The following COL6A3 variants were observed in gnomAD, a reference collection of about 807,000 sequenced individuals.
The protein encoded by COL6A3 is collagen type VI alpha 3 chain.
In COL6A3, 137 loss-of-function variants were observed where a neutral mutation model predicts 274.1. The observed-to-expected ratio is 0.50, with a 90% CI of 0.44 to 0.58. The LOEUF (loss-of-function observed/expected upper bound fraction) is 0.58. COL6A3 is among the 20% of genes least tolerant of loss of function. COL6A3 has a pLI of 0.00. For synonymous variants in COL6A3, 1,650 were observed against 1,650.6 expected (o/e 1.00, Z 0.01); for missense variants, 3,950 against 4,124.9 (o/e 0.96, Z 1.16).
chr2:237,396,325 T>C (rs978892965), intron 2 of COL6A3, among the ~76,000 whole-genome samples: 7 of 152,232 alleles, frequency 4.6e-5, no homozygotes, highest in Middle Eastern at 3.2e-3. Flanking sequence ...GGGTGATCTT[T>C]GTATTTTTCA....
rs746198326 is a variant in COL6A3 at position 237,387,628 on chromosome 2, C to T, written c.1266G>A (p.Val422=). Reference sequence around the variant, plus strand: ...GTTTCAAGACAATGTGCCTTTGGGCCACGCCAACAATGTACGGCAGTAATT... The same window carrying T: ...GTTTCAAGACAATGTGCCTTTGGGCTACGCCAACAATGTACGGCAGTAATT... ...QEKLLPYIVG[V]AQRHIVLKPP... Residue 422 remains valine, a synonymous_variant, in exon 4 of 44, where the codon GTG becomes GTA. Coordinates refer to ENST00000295550, the MANE Select transcript of COL6A3 (RefSeq NM_004369.4). The T allele has an allele frequency of 6.2e-7, 1 of 1,613,770 alleles. No individual in the cohort carries two copies. Among genetic ancestry groups the T allele is most frequent in the Admixed American group, 1.7e-5 (1 of 59,968 alleles).
At position 237,339,126 on chromosome 2, in the gene COL6A3, A is replaced by G. The variant is rs376762718; in HGVS notation, c.8465-9T>C. The G allele has an allele frequency of 5.0e-6, 8 of 1,600,556 alleles. No homozygotes were observed. The African/African-American group carries it at 6.7e-5, about 13-fold the overall frequency. Reference sequence around the variant, plus strand: ...GTAAAAAGCATTTTCACCTAAAGAAAAAAAACAAAGAAAACAATTGAACCG... The same window carrying G: ...GTAAAAAGCATTTTCACCTAAAGAAGAAAAACAAAGAAAACAATTGAACCG... On this transcript the variant is annotated splice_polypyrimidine_tract_variant and intron_variant, in intron 38 of 43. Coordinates refer to ENST00000295550, the MANE Select transcript of COL6A3 (RefSeq NM_004369.4).
chr2:237,379,162 A>T lies in COL6A3; in HGVS notation c.1971T>A (p.Tyr657Ter). Reference protein sequence around the residue: ...SANVGKTNFPYVRDFVMNLVN... With the variant: ...SANVGKTNFP ...CTAGGTTCATTACAAAGTCGCGCAC[A>T]TAAGGGAAATTGGTTTTTCCAACGT... is the stretch of plus-strand genomic sequence containing the variant. The change falls in exon 6 of 44, where the codon TAT becomes TAA. Residue 657 changes from tyrosine (Y) to a stop codon, truncating the protein, a stop_gained. Coordinates refer to ENST00000295550, the MANE Select transcript of COL6A3 (RefSeq NM_004369.4). LOFTEE classifies it high-confidence loss of function. 8.7e-6 allele frequency: 14 copies of T among 1,614,270 alleles called. No homozygotes were observed. The highest frequency in any genetic ancestry group is 1.2e-5 in the Non-Finnish European group (14 of 1,180,050).
chr2:237,334,291 C>T lies in COL6A3; in HGVS notation c.9229+335G>A, dbSNP rs111902771. Among the ~76,000 whole-genome samples, 540 of 152,296 alleles carry T rather than the reference C, an allele frequency of 3.5e-3. 6 individuals are homozygous for T. The highest frequency in any genetic ancestry group is 0.012 in the African/African-American group (506 of 41,552). ...AAACCTGGACGGGGTGGTGGGCAAC[C>T]AGGAGCCCTCACCGGGAGACGTGGC... On this transcript the variant is annotated intron_variant, in intron 41 of 43. Coordinates refer to ENST00000295550, the MANE Select transcript of COL6A3 (RefSeq NM_004369.4).
intron 11 of COL6A3, 132 bp from the exon 12 acceptor site, chr2:237,366,167 T>C: frequency 2.6e-6 from 2 of 773,442 alleles, no homozygotes; most frequent in Non-Finnish European, 4.5e-6. Context: ...AGATCCTGTG[T>C]GTGTGAGCTT....
rs757490380 is a variant in COL6A3, at chr2:237,376,887, C to G, written c.2955G>C (p.Gln985His). 4 of 1,614,220 alleles carry G rather than the reference C, an allele frequency of 2.5e-6. No individual in the cohort carries two copies. The highest frequency in any genetic ancestry group is 3.3e-5 in the Admixed American group (2 of 60,030). Residue 985 changes from glutamine (Q) to histidine (H), a missense_variant, in exon 7 of 44, where the codon CAG becomes CAC. Gln to His is a conservative substitution (Grantham distance 24). Transcript: ENST00000295550. Reference sequence around the variant, plus strand: ...GGATAAACGCTGGAGACAGCACGATCTGCTCTAACTCAGCAGGGTCTGCGT... The same window carrying G: ...GGATAAACGCTGGAGACAGCACGATGTGCTCTAACTCAGCAGGGTCTGCGT... Reference protein sequence around the residue: ...AKNADPAELEQIVLSPAFILA... With the variant: ...AKNADPAELEHIVLSPAFILA...
In COL6A3 at chr2:237,387,730, C is replaced by G; in HGVS notation, c.1164G>C (p.Glu388Asp). Residue 388 changes from glutamate to aspartate, a missense_variant, in exon 4 of 44, where the codon GAG becomes GAC. Physicochemically the swap from Glu to Asp is conservative, Grantham distance 45. Coordinates refer to ENST00000295550, the MANE Select transcript of COL6A3 (RefSeq NM_004369.4). The stretch of plus-strand genomic sequence containing the variant: ...TGTCATCGGTAGCTATGTGCTGAAG[C>G]TCTGCCCTGGAGGCGGCCTGGGCTC... ...GLGAQAASRA[E>D]LQHIATDDNL... 2 of 1,614,054 alleles carry G rather than the reference C, an allele frequency of 1.2e-6. No homozygotes were observed. Among genetic ancestry groups the G allele is most frequent in the Non-Finnish European group, 1.7e-6 (2 of 1,179,946 alleles).
chr2:237,341,670 C>T (rs530427819), intron 37 of COL6A3, among the ~76,000 whole-genome samples: 3 of 151,630 alleles, frequency 2.0e-5, no homozygotes, highest in Admixed American at 6.6e-5. Flanking sequence ...AAATCACTAA[C>T]CTAAAATCTT....
chr2:237,329,004 A>G (rs1325010217), intron 42 of COL6A3: 1 of 152,198 alleles, frequency 6.6e-6, no homozygotes, highest in Non-Finnish European at 1.5e-5. Context: ...CATTTTGAGC[A>G]TTGGTCAGTT....
Position 237,379,225 on chromosome 2 carries a change from G to C in COL6A3, c.1908C>G (p.Asn636Lys), listed in dbSNP as rs911916902. 2.5e-6 allele frequency: 4 copies of C among 1,614,018 alleles called. No individual in the cohort carries two copies. The highest frequency in any genetic ancestry group is 3.4e-6 in the Non-Finnish European group (4 of 1,180,008). The change falls in exon 6 of 44, where the codon AAC (asparagine) becomes AAG (lysine). Residue 636 changes from asparagine to lysine, a missense_variant. Coordinates refer to ENST00000295550, the MANE Select transcript of COL6A3 (RefSeq NM_004369.4). ...CCAAAAGAAAGATGATATCCCTTTT[G>C]TTTGAGTGAACTGCAGTGAAGCACA... Reference protein sequence around the residue: ...TLSGTPEVHSNKRDIIFLLDG... With the variant: ...TLSGTPEVHSKKRDIIFLLDG...
chr2:237,388,051 C>G lies in COL6A3; in HGVS notation c.843G>C (p.Val281=), dbSNP rs376201065. Residue 281 remains valine, a synonymous_variant, in exon 4 of 44, where the codon GTG becomes GTC. Coordinates refer to ENST00000295550, the MANE Select transcript of COL6A3 (RefSeq NM_004369.4). ...GCTCATCGCTAAACTGGACCACCCC[C>G]ACTCGGATCTGCTGAGTTCCAATTG... is the stretch of plus-strand genomic sequence containing the variant. ...KLPIGTQQIR[V]GVVQFSDEPR... 1 of 1,614,238 alleles carries G rather than the reference C, an allele frequency of 6.2e-7. No homozygotes were observed. The highest frequency in any genetic ancestry group is 8.5e-7 in the Non-Finnish European group (1 of 1,180,052).
At position 237,324,348 on chromosome 2, in the gene COL6A3, C is replaced by T. The variant is rs574954721; in HGVS notation, c.*426G>A. ...CTCTTGTTTCTCCACGATACACAGGCTTCCCATCTAAAGTCATGCTTAACT... is the reference window on the plus strand; with the variant it reads ...CTCTTGTTTCTCCACGATACACAGGTTTCCCATCTAAAGTCATGCTTAACT... On this transcript the variant is annotated 3_prime_UTR_variant, in exon 44 of 44. Transcript: ENST00000295550. The T allele has an allele frequency of 9.7e-5, 16 of 164,168 alleles. No homozygotes were observed. Among genetic ancestry groups the T allele is most frequent in the East Asian group, 3.3e-4 (2 of 5,978 alleles). 10.2% of individuals were successfully genotyped at this position (164,168 alleles called of 1,614,324 possible).
intron 38 of COL6A3, among the ~76,000 whole-genome samples, chr2:237,339,480 T>C (rs1254263551): frequency 6.6e-6 from 1 of 152,234 alleles, no homozygotes; most frequent in Non-Finnish European, 1.5e-5. Flanking sequence ...ATTTTCTCAA[T>C]GCTTTGTTGA....
chr2:237,364,327 A>G lies in COL6A3; in HGVS notation c.5917+23T>C. 6.2e-7 allele frequency: 1 copy of G among 1,600,644 alleles called. No homozygotes were observed. Among genetic ancestry groups the G allele is most frequent in the South Asian group, 1.1e-5 (1 of 90,812 alleles). The stretch of plus-strand genomic sequence containing the variant: ...CGCCTCACCAGGGTTTACTTCTCAT[A>G]TTTAGAAAGCCTTGGCACCTACCTT... On this transcript the variant is annotated intron_variant, in intron 13 of 43. Coordinates refer to ENST00000295550, the MANE Select transcript of COL6A3 (RefSeq NM_004369.4). The surrounding 1 kb of genome is among the most constrained non-coding windows in gnomAD (Gnocchi z 4.6).
intron 22 of COL6A3, 41 bp downstream of exon 22, chr2:237,357,776 C>T: frequency 1.2e-6 from 2 of 1,601,464 alleles, no homozygotes; most frequent in South Asian, 1.1e-5. Flanking sequence ...CTTTCTCTTG[C>T]CCTCAGTACA....
chr2:237,343,333 TAA>T (rs35994715), intron 36 of COL6A3: 103 of 135,228 alleles, frequency 7.6e-4, no homozygotes, highest in South Asian at 7.2e-4. Flanking sequence ...CCGTCTCTAC[TAA>T]AAAAAAAAAA....
At chr2:237,369,250 G>T in intron 9 of COL6A3, 73 bp from the exon 10 acceptor site, 1 of 1,571,596 alleles carries the variant, frequency 6.4e-7, no homozygotes, top group Non-Finnish European at 8.6e-7. Flanking sequence ...TGTGCACCTT[G>T]CACCATAATC....
At chr2:237,410,979 G>A (rs1458670345) in intron 1 of COL6A3, among the ~76,000 whole-genome samples, 2 of 152,138 alleles carry the variant, frequency 1.3e-5, no homozygotes, top group African/African-American at 2.4e-5. Flanking sequence ...GAGGGTTTGC[G>A]GCTTTCATTT....
Position 237,346,575 on chromosome 2 carries a change from G to A in COL6A3, c.7030-10C>T. The A allele has an allele frequency of 3.7e-6, 6 of 1,612,126 alleles. No homozygotes were observed. The highest frequency in any genetic ancestry group is 5.1e-6 in the Non-Finnish European group (6 of 1,178,280). On this transcript the variant is annotated splice_polypyrimidine_tract_variant and intron_variant, in intron 31 of 43. Transcript: ENST00000295550. Reference sequence around the variant, plus strand: ...GAGGTCCCGAATTTCCCTAGAGGGAGCAGAACAAACATTGTTCAACTGTGT... The same window carrying A: ...GAGGTCCCGAATTTCCCTAGAGGGAACAGAACAAACATTGTTCAACTGTGT...
Sources: gnomAD v4.1 joint callset for allele counts (sites outside exome capture counted in the v4.1 genomes callset) on GRCh38, gnomAD v4.1.1 for gene constraint, Gnocchi (gnomAD v3.1) non-coding constraint, MANE v1.5 for transcripts, NCBI Gene and HGNC (gene_info 2026-07-23, HGNC 2026-07-21) for gene names.